Variants in THSD7A observed in about 807,000 individuals in gnomAD.
THSD7A encodes the protein thrombospondin type 1 domain containing 7A, also known as thrombospondin type-1 domain-containing protein 7A.
In THSD7A, 96 loss-of-function variants were observed where a neutral mutation model predicts 231.3. That is an observed-to-expected ratio of 0.41 (90% confidence interval 0.35 to 0.49). The LOEUF is 0.49. Ranked by LOEUF, THSD7A falls within the 20% of genes least tolerant of loss-of-function variation. The probability of loss-of-function intolerance (pLI) is 0.05; values close to 1 mark genes in which losing one functional copy is unlikely to be tolerated. For synonymous variants in THSD7A, 940 were observed against 743.3 expected, an observed-to-expected ratio of 1.26 and a Z score of -4.30; for missense variants, 2,290 against 2,070.2, an observed-to-expected ratio of 1.11 and a Z score of -2.06.
At chr7:11,820,189 T>G (rs1197498100) in intron 1 of THSD7A, 5 of 327,360 alleles carry the variant, frequency 1.5e-5, no homozygotes, top group Non-Finnish European at 2.8e-5. Flanking sequence ...TAGTACAATC[T>G]GCATGGCTGG....
chr7:11,802,805 T>C (rs1032315032), intron 1 of THSD7A, among the ~76,000 whole-genome samples: 10 of 152,162 alleles, frequency 6.6e-5, no homozygotes, highest in African/African-American at 2.4e-4. Context: ...CATCCTTCAA[T>C]CCATCCATGC....
chr7:11,640,530 TC>T (rs755377922), intron 1 of THSD7A, among the ~76,000 whole-genome samples: 52 of 152,262 alleles, frequency 3.4e-4, no homozygotes, highest in Non-Finnish European at 6.0e-4. Context: ...ACCTCTAATT[TC>T]TCCATGTTAT....
At chr7:11,744,297 G>A (rs1470687920) in intron 1 of THSD7A, among the ~76,000 whole-genome samples, 1 of 151,554 alleles carries the variant, frequency 6.6e-6, no homozygotes, top group Admixed American at 6.6e-5. Flanking sequence ...ATCGGGTGGT[G>A]GCAATAAACT....
At chr7:11,560,156 C>G (rs1316496759) in intron 4 of THSD7A, among the ~76,000 whole-genome samples, 3 of 151,850 alleles carry the variant, frequency 2.0e-5, no homozygotes, top group African/African-American at 7.3e-5. Flanking sequence ...AAAAAGCAAG[C>G]CGAAGAATAT....
At position 11,831,261 on chromosome 7, in the gene THSD7A, T is replaced by C. The variant is rs908942528; in HGVS notation, c.190+496A>G. 2.6e-5 allele frequency among the ~76,000 whole-genome samples: 4 copies of C among 152,222 alleles called. No individual in the cohort carries two copies. Among genetic ancestry groups the C allele is most frequent in the Non-Finnish European group, 5.9e-5 (4 of 68,038 alleles). ...CCTGAAGGCTCACTGGAGCCCCATT[T>C]GCCTTTAATTGTTGGAACCGCCCTC... On this transcript the variant is annotated intron_variant, in intron 1 of 27. Transcript: ENST00000423059. The surrounding 1 kb of genome is among the most constrained non-coding windows in gnomAD (Gnocchi z 5.0).
intron 13 of THSD7A, among the ~76,000 whole-genome samples, chr7:11,436,400 C>A (rs1490880522): frequency 6.6e-6 from 1 of 152,014 alleles, no homozygotes; most frequent in African/African-American, 2.4e-5. Flanking sequence ...AAGTATTAAA[C>A]ATAATTTTAA....
At chr7:11,453,639 C>T (rs1785214468) in intron 11 of THSD7A, among the ~76,000 whole-genome samples, 2 of 151,972 alleles carry the variant, frequency 1.3e-5, no homozygotes, top group Admixed American at 6.6e-5. Flanking sequence ...ATCTAATCTA[C>T]AGCAAGTACA....
intron 4 of THSD7A, among the ~76,000 whole-genome samples, chr7:11,543,433 C>A (rs1789238586): frequency 6.6e-6 from 1 of 152,120 alleles, no homozygotes; most frequent in Non-Finnish European, 1.5e-5. Flanking sequence ...AAGGTTAGAT[C>A]TAAAATTCTA....
At chr7:11,723,977 C>T (rs750699139) in intron 1 of THSD7A, among the ~76,000 whole-genome samples, 2 of 151,684 alleles carry the variant, frequency 1.3e-5, no homozygotes, top group South Asian at 4.2e-4. Context: ...GACCCAAAAG[C>T]AGTAAGGATG....
At chr7:11,385,655 T>C (rs1340539937) in intron 23 of THSD7A, 1 of 152,180 alleles carries the variant, frequency 6.6e-6, no homozygotes, top group Non-Finnish European at 1.5e-5. Flanking sequence ...AGTCATATTA[T>C]TAAATATTAA....
Position 11,412,612 on chromosome 7 carries a change from C to G in THSD7A, c.3682+44G>C, listed in dbSNP as rs190736091. On this transcript the variant is annotated intron_variant, in intron 18 of 27. Coordinates refer to ENST00000423059, the MANE Select transcript of THSD7A (RefSeq NM_015204.3). The stretch of plus-strand genomic sequence containing the variant: ...AGGAATGCTTCAGAGCTGACAGACA[C>G]AGGATTTGGACTTAACTCCGTGATC... The G allele has an allele frequency of 2.6e-4, 417 of 1,608,898 alleles. 5 individuals carry two copies. The Admixed American group carries it at 6.8e-3, about 26-fold the overall frequency.
At chr7:11,567,400 C>T (rs1311235040) in intron 4 of THSD7A, among the ~76,000 whole-genome samples, 7 of 152,182 alleles carry the variant, frequency 4.6e-5, no homozygotes, top group African/African-American at 9.7e-5. Flanking sequence ...ATTCAATTAC[C>T]TCCACCTGGT....
At chr7:11,779,218 G>A (rs922449507) in intron 1 of THSD7A, among the ~76,000 whole-genome samples, 2 of 152,086 alleles carry the variant, frequency 1.3e-5, no homozygotes, top group South Asian at 2.1e-4. Flanking sequence ...ATTCTATAAT[G>A]TGCCACCAGG....
chr7:11,580,817 T>C (rs776020699), intron 4 of THSD7A, among the ~76,000 whole-genome samples: 13 of 152,014 alleles, frequency 8.6e-5, no homozygotes, highest in South Asian at 2.1e-4. Context: ...GATGAAACAA[T>C]CTGTACAACA....
chr7:11,502,538 C>T lies in THSD7A; in HGVS notation c.1823-20556G>A, dbSNP rs370480046. Among the ~76,000 whole-genome samples, 37 of 152,186 alleles carry T rather than the reference C, an allele frequency of 2.4e-4. 1 individual carries two copies. Among genetic ancestry groups the T allele is most frequent in the East Asian group, 1.5e-3 (8 of 5,186 alleles). On this transcript the variant is annotated intron_variant, in intron 6 of 27. Transcript: ENST00000423059. ...AAACAGAACTAAAGAAAAAAACCCA[C>T]GATTATCTCAATAGATTCAGAAAAG...
At chr7:11,383,010 G>T (rs118180972) in intron 23 of THSD7A, among the ~76,000 whole-genome samples, 2,746 of 151,154 alleles carry the variant, frequency 0.018, 35 homozygotes, top group South Asian at 0.05. Context: ...GCTTGTTGAT[G>T]AATAAAACAT....
Position 11,635,815 on chromosome 7 carries a change from A to AT in THSD7A, c.1022+314dup, listed in dbSNP as rs1000391956. Among the ~76,000 whole-genome samples, 50 of 151,726 alleles carry AT rather than the reference A, an allele frequency of 3.3e-4. 1 individual carries two copies. Among genetic ancestry groups the AT allele is most frequent in the South Asian group, 2.7e-3 (13 of 4,766 alleles). Reference sequence around the variant, plus strand: ...ATCCCAATATTTCAGCCCCTAAGCAATTTTTTTTTCTATTATAGGGAAACG... The same window carrying AT: ...ATCCCAATATTTCAGCCCCTAAGCAATTTTTTTTTTCTATTATAGGGAAACG... On this transcript the variant is annotated intron_variant, in intron 2 of 27. Coordinates refer to ENST00000423059, the MANE Select transcript of THSD7A (RefSeq NM_015204.3).
chr7:11,706,710 C>A (rs1780781783), intron 1 of THSD7A, among the ~76,000 whole-genome samples: 1 of 140,238 alleles, frequency 7.1e-6, no homozygotes, highest in African/African-American at 2.6e-5. Flanking sequence ...CATGGTATAT[C>A]CACAAACCAG....
At chr7:11,655,016 T>C (rs1230926537) in intron 1 of THSD7A, among the ~76,000 whole-genome samples, 1 of 151,854 alleles carries the variant, frequency 6.6e-6, no homozygotes, top group East Asian at 1.9e-4. Context: ...GCCAAGATCT[T>C]CCAACCATCA....
Sources: gnomAD v4.1 joint callset for allele counts (sites outside exome capture counted in the v4.1 genomes callset) on GRCh38, gnomAD v4.1.1 for gene constraint, Gnocchi (gnomAD v3.1) non-coding constraint, MANE v1.5 for transcripts, NCBI Gene and HGNC (gene_info 2026-07-23, HGNC 2026-07-21) for gene names.